The following ZC3H11A variants were observed in gnomAD, a reference collection of about 807,000 sequenced individuals.
The protein encoded by ZC3H11A is zinc finger CCCH-type containing 11A, also known as zinc finger CCCH domain-containing protein 11A.
Under a neutral mutation model 90.8 loss-of-function variants are expected in ZC3H11A, and 22 were observed. The ratio of observed to expected loss-of-function variants is 0.24; its 90% CI spans 0.17 to 0.35. The LOEUF is 0.35. Ranked by LOEUF, ZC3H11A falls within the 10% of genes least tolerant of loss-of-function variation. The pLI is 1.00. For synonymous variants in ZC3H11A, 294 were observed against 339.8 expected (o/e 0.87, Z 1.48); for missense variants, 701 against 964.9 (o/e 0.73, Z 3.62).
chr1:203,825,717 G>A (rs1326997115), intron 4 of ZC3H11A, among the ~76,000 whole-genome samples: 2 of 151,998 alleles, frequency 1.3e-5, no homozygotes, highest in East Asian at 3.8e-4. Context: ...GAGCCACCAC[G>A]CCTGGCATGT....
intron 5 of ZC3H11A, 143 bp from the exon 6 acceptor site, chr1:203,829,308 G>A (rs1572170566): frequency 1.3e-6 from 1 of 788,418 alleles, no homozygotes; most frequent in Non-Finnish European, 2.0e-6. Flanking sequence ...TTCCCTCCCT[G>A]GGACTTTAGA....
chr1:203,814,100 G>C (rs952748353), intron 2 of ZC3H11A, among the ~76,000 whole-genome samples: 1 of 152,052 alleles, frequency 6.6e-6, no homozygotes, highest in East Asian at 1.9e-4. Context: ...GTAAGCAGCA[G>C]GAAAAGCCCA....
chr1:203,805,625 G>A, intron 2 of ZC3H11A: 10 of 682,750 alleles, frequency 1.5e-5, no homozygotes, highest in South Asian at 1.4e-4. Flanking sequence ...AATGTATGAA[G>A]CAGGGATCTG....
chr1:203,835,548 C>T (rs531026574), intron 10 of ZC3H11A: 89 of 165,680 alleles, frequency 5.4e-4, no homozygotes, highest in African/African-American at 1.8e-3. Flanking sequence ...TTTACAATAG[C>T]GCAAATCCAC....
intron 4 of ZC3H11A, among the ~76,000 whole-genome samples, chr1:203,821,979 G>C (rs139320806): frequency 6.6e-6 from 1 of 151,990 alleles, no homozygotes; most frequent in Admixed American, 6.6e-5. Context: ...GGATGGTCTC[G>C]ATCTGCTGAC....
chr1:203,848,642 C>T (rs1688525932), intron 14 of ZC3H11A, among the ~76,000 whole-genome samples: 1 of 152,176 alleles, frequency 6.6e-6, no homozygotes, highest in African/African-American at 2.4e-5. Context: ...AATCCCAGCA[C>T]TTTGGGAGGC....
In ZC3H11A at chr1:203,829,771, G is replaced by GA. The variant is rs1302091131; in HGVS notation, c.503-8dup. ...TAATTGTGAATTTGCCTTAAATGTT[G>GA]ATATATAGATCAGTTTTCTGAGGAA... On this transcript the variant is annotated splice_polypyrimidine_tract_variant and intron_variant, in intron 6 of 17. Transcript: ENST00000367210. The GA allele has an allele frequency of 6.2e-7, 1 of 1,613,648 alleles. No homozygotes were observed. Among genetic ancestry groups the GA allele is most frequent in the African/African-American group, 1.3e-5 (1 of 75,024 alleles).
At chr1:203,846,486 T>A (rs904532996) in intron 12 of ZC3H11A, among the ~76,000 whole-genome samples, 3 of 152,220 alleles carry the variant, frequency 2.0e-5, no homozygotes, top group African/African-American at 7.2e-5. Context: ...GTGTAGGTGT[T>A]CCTGCTGTGT....
At chr1:203,832,720 AT>A (rs1219072274) in intron 9 of ZC3H11A, among the ~76,000 whole-genome samples, 1 of 152,200 alleles carries the variant, frequency 6.6e-6, no homozygotes, top group Non-Finnish European at 1.5e-5. Flanking sequence ...AGATATAGAT[AT>A]ATTTAAATGT....
chr1:203,797,609 A>T (rs1027891380), intron 1 of ZC3H11A: 5 of 1,535,546 alleles, frequency 3.3e-6, no homozygotes, highest in East Asian at 4.9e-5. Context: ...GGATTCTGGG[A>T]TGTGTTCCTA....
intron 4 of ZC3H11A, among the ~76,000 whole-genome samples, chr1:203,826,201 G>C (rs952876688): frequency 1.3e-5 from 2 of 152,092 alleles, no homozygotes; most frequent in Non-Finnish European, 2.9e-5. Context: ...ATTCTTCCTA[G>C]TTCTTTGAAA....
chr1:203,841,178 T>C (rs925140915), intron 12 of ZC3H11A, among the ~76,000 whole-genome samples: 1 of 151,744 alleles, frequency 6.6e-6, no homozygotes, highest in African/African-American at 2.4e-5. Flanking sequence ...TAGTATTTAT[T>C]GATCATTCTT....
intron 4 of ZC3H11A, among the ~76,000 whole-genome samples, chr1:203,826,631 G>A (rs1204453986): frequency 2.0e-5 from 3 of 151,966 alleles, no homozygotes; most frequent in African/African-American, 7.2e-5. Flanking sequence ...ATACATTTAA[G>A]CATCTTTTTG....
chr1:203,802,701 C>T lies in ZC3H11A; in HGVS notation c.-461C>T, dbSNP rs1670891726. 3.0e-5 allele frequency: 4 copies of T among 135,188 alleles called. No individual in the cohort carries two copies. Among genetic ancestry groups the T allele is most frequent in the Admixed American group, 1.5e-4 (2 of 13,000 alleles). The allele number at this position is 135,188 out of a possible 1,614,324, so 8.4% of individuals were successfully genotyped here. A position where few individuals can be genotyped will look rare whatever the true frequency, so the allele number is the denominator to read the frequency against. ...ATGATCCTTTAACTCTCAAGTTCAT[C>T]TTTAAATGAACTCTTTTTTTTTGTT... On this transcript the variant is annotated 5_prime_UTR_variant, in exon 2 of 18. Transcript: ENST00000367210.
rs771346767 is a variant in ZC3H11A at position 203,848,284 on chromosome 1, T to C, written c.1547-47T>C. On this transcript the variant is annotated intron_variant, in intron 13 of 17. Transcript: ENST00000367210. ...TTTGTTTAACATATCTATCATGAAG[T>C]TGCAGCTTAAATAAAATAACTAATG... 58 of 1,483,084 alleles carry C rather than the reference T, an allele frequency of 3.9e-5. 1 individual carries two copies. In the Middle Eastern group the frequency reaches 3.9e-3, roughly 99 times the overall value. 91.9% of individuals were successfully genotyped at this position (1,483,084 alleles called of 1,614,324 possible).
In ZC3H11A at chr1:203,853,333, G is replaced by A. The variant is rs1253879340; in HGVS notation, c.*934G>A. On this transcript the variant is annotated 3_prime_UTR_variant, in exon 18 of 18. Coordinates refer to ENST00000367210, the MANE Select transcript of ZC3H11A (RefSeq NM_001376342.1). The stretch of plus-strand genomic sequence containing the variant: ...TGAGGGAAAAAATGAGCTTATTCAA[G>A]CTGCCAATATTTATCTATGGGCTGT... 6.6e-6 allele frequency: 1 copy of A among 152,570 alleles called. No individual in the cohort carries two copies. The highest frequency in any genetic ancestry group is 2.4e-5 in the African/African-American group (1 of 41,436). The allele number at this position is 152,570 out of a possible 1,614,324, so 9.5% of individuals were successfully genotyped here.
At chr1:203,810,418 G>A (rs1673987781) in intron 2 of ZC3H11A, among the ~76,000 whole-genome samples, 1 of 144,232 alleles carries the variant, frequency 6.9e-6, no homozygotes, top group African/African-American at 2.6e-5. Flanking sequence ...CATTGTAGCT[G>A]TTAGGTTTTT....
chr1:203,832,409 A>G (rs1325656031), intron 9 of ZC3H11A, among the ~76,000 whole-genome samples: 1 of 151,314 alleles, frequency 6.6e-6, no homozygotes, highest in Non-Finnish European at 1.5e-5. Flanking sequence ...CGCCCAGGCT[A>G]AAGTGCAATG....
At chr1:203,803,229 T>TC (rs1292105278) in intron 2 of ZC3H11A, among the ~76,000 whole-genome samples, 2 of 152,198 alleles carry the variant, frequency 1.3e-5, no homozygotes, top group Non-Finnish European at 2.9e-5. Context: ...TTTACTCTTG[T>TC]CCCCTAGGCT....
Sources: gnomAD v4.1 joint callset for allele counts (sites outside exome capture counted in the v4.1 genomes callset) on GRCh38, gnomAD v4.1.1 for gene constraint, MANE v1.5 for transcripts, NCBI Gene and HGNC (gene_info 2026-07-23, HGNC 2026-07-21) for gene names.